Variants in MTHFD1 observed in about 807,000 individuals in gnomAD.
The protein encoded by MTHFD1 is C-1-tetrahydrofolate synthase, cytoplasmic.
In MTHFD1, 44 loss-of-function variants were observed where a neutral mutation model predicts 110.3. That is an observed-to-expected ratio of 0.40 (90% confidence interval 0.31 to 0.51). The LOEUF (loss-of-function observed/expected upper bound fraction) is 0.51, where lower values mean the gene tolerates loss of function less well. Among genes scored for constraint, MTHFD1 ranks in the 20% least tolerant of loss-of-function variants. The pLI is 0.60. For missense variants in MTHFD1, 909 were observed against 1,173.1 expected (o/e 0.77, Z 3.29); for synonymous variants, 402 against 428.8 (o/e 0.94, Z 0.77).
At chr14:64,395,073 G>A (rs1483034987) in intron 1 of MTHFD1, among the ~76,000 whole-genome samples, 1 of 152,170 alleles carries the variant, frequency 6.6e-6, no homozygotes, top group East Asian at 1.9e-4. Context: ...CAGACCCACT[G>A]GCATCAACTC....
intron 7 of MTHFD1, chr14:64,419,130 T>C (rs2078050079): frequency 6.4e-6 from 1 of 156,842 alleles, no homozygotes; most frequent in East Asian, 1.9e-4. Context: ...AGTGCTGAGA[T>C]TACAGGCGTG....
At chr14:64,395,911 A>G (rs535214731) in intron 1 of MTHFD1, among the ~76,000 whole-genome samples, 1 of 152,328 alleles carries the variant, frequency 6.6e-6, no homozygotes, top group African/African-American at 2.4e-5. Flanking sequence ...TAAGAATTAT[A>G]GGATTCATTA....
chr14:64,444,719 G>A lies in MTHFD1; in HGVS notation c.2163G>A (p.Lys721=). The change falls in exon 22 of 28, where the codon AAG becomes AAA. Residue 721 remains lysine, a synonymous_variant. Transcript: ENST00000652337. ...TCACTGCTGGACTGCCTCTTCCCAA[G>A]GCTTACATACAGGAGGTAACCTGAG... is the stretch of plus-strand genomic sequence containing the variant. ...PTVTAGLPLP[K]AYIQENLELV... is the part of the protein sequence containing the mutation. The A allele has an allele frequency of 6.2e-7, 1 of 1,614,006 alleles. No individual in the cohort carries two copies. Among genetic ancestry groups the A allele is most frequent in the African/African-American group, 1.3e-5 (1 of 74,980 alleles).
intron 12 of MTHFD1, among the ~76,000 whole-genome samples, chr14:64,428,250 G>A (rs1227770088): frequency 6.6e-6 from 1 of 151,588 alleles, no homozygotes; most frequent in East Asian, 1.9e-4. Context: ...CGAGTAGCTG[G>A]GATTACAGGC....
intron 26 of MTHFD1, chr14:64,457,927 C>T: frequency 1.9e-6 from 1 of 531,896 alleles, no homozygotes; most frequent in Non-Finnish European, 3.4e-6. Context: ...TAGACATGGC[C>T]TTGCTCTGTC....
chr14:64,406,595 C>G (rs773996288), intron 2 of MTHFD1, among the ~76,000 whole-genome samples: 3 of 149,276 alleles, frequency 2.0e-5, no homozygotes, highest in Non-Finnish European at 4.4e-5. Context: ...CAGGCTCAAG[C>G]TATCCTCCCA....
At chr14:64,397,138 AATATAT>A (rs1182197415) in intron 1 of MTHFD1, among the ~76,000 whole-genome samples, 70 of 11,930 alleles carry the variant, frequency 5.9e-3, no homozygotes, top group East Asian at 0.018. Flanking sequence ...AAAAAAAAAA[AATATAT>A]ATATATATAT....
chr14:64,453,983 T>C (rs1052628268), intron 25 of MTHFD1, 122 bp downstream of exon 25: 2 of 710,912 alleles, frequency 2.8e-6, no homozygotes, highest in Non-Finnish European at 5.2e-6. Flanking sequence ...GGCAGCCTTC[T>C]CTCCTCTGAA....
intron 2 of MTHFD1, among the ~76,000 whole-genome samples, chr14:64,401,269 C>T (rs2077894390): frequency 6.6e-6 from 1 of 152,168 alleles, no homozygotes; most frequent in Admixed American, 6.5e-5. Flanking sequence ...TTCAAGCAGT[C>T]CTCCTGCCTC....
At chr14:64,459,589 A>C (rs528962753) in intron 27 of MTHFD1, among the ~76,000 whole-genome samples, 170 bp from the exon 28 acceptor site, 2 of 152,354 alleles carry the variant, frequency 1.3e-5, no homozygotes, top group Non-Finnish European at 1.5e-5. Context: ...AATACCATGC[A>C]TCATTTTCAA....
At position 64,460,004 on chromosome 14, in the gene MTHFD1, C is replaced by A; in HGVS notation, c.*250C>A. The A allele has an allele frequency of 7.5e-7, 1 of 1,326,638 alleles. No homozygotes were observed. Among genetic ancestry groups the A allele is most frequent in the Non-Finnish European group, 1.0e-6 (1 of 971,408 alleles). The allele number at this position is 1,326,638 out of a possible 1,614,324, so 82.2% of individuals were successfully genotyped here. On this transcript the variant is annotated 3_prime_UTR_variant, in exon 28 of 28. Transcript: ENST00000652337. ...ACAGAATAAAAGGAAACAAGTTTGC[C>A]ATCTTGGTGTTGCAATATGAATTAC...
intron 2 of MTHFD1, among the ~76,000 whole-genome samples, chr14:64,401,799 T>C (rs1359513833): frequency 6.6e-6 from 1 of 152,166 alleles, no homozygotes; most frequent in African/African-American, 2.4e-5. Flanking sequence ...ATAAATAACA[T>C]TTTATGGAAC....
At chr14:64,457,968 G>A (rs1318606057) in intron 26 of MTHFD1, 3 of 578,278 alleles carry the variant, frequency 5.2e-6, no homozygotes, top group African/African-American at 1.9e-5. Context: ...ATGGCTCACT[G>A]TGGCCTCAAC....
chr14:64,400,691 T>C, intron 1 of MTHFD1, 102 bp from the exon 2 acceptor site: 1 of 821,448 alleles, frequency 1.2e-6, no homozygotes, highest in South Asian at 1.4e-5. Flanking sequence ...CCTGTGTTAA[T>C]AAACAAACAA....
intron 21 of MTHFD1, among the ~76,000 whole-genome samples, chr14:64,444,391 C>A (rs573246377): frequency 1.3e-5 from 2 of 151,992 alleles, no homozygotes; most frequent in African/African-American, 4.8e-5. Context: ...ACTGCTATGG[C>A]CTTCACTCGA....
chr14:64,411,016 C>A lies in MTHFD1; in HGVS notation c.127-74C>A. On this transcript the variant is annotated intron_variant, in intron 2 of 27. Transcript: ENST00000652337. ...TGATTAAACATTTCTTTTATTAAAACTAAAATTGTAGAAGCTTTTCTGTGC... is the reference window on the plus strand; with the variant it reads ...TGATTAAACATTTCTTTTATTAAAAATAAAATTGTAGAAGCTTTTCTGTGC... 2.8e-6 allele frequency: 3 copies of A among 1,072,588 alleles called. No homozygotes were observed. The South Asian group carries it at 3.7e-5, about 13-fold the overall frequency. The allele number at this position is 1,072,588 out of a possible 1,614,324, so 66.4% of individuals were successfully genotyped here.
chr14:64,448,424 T>C lies in MTHFD1; in HGVS notation c.2279+107T>C, dbSNP rs78094217. On this transcript the variant is annotated intron_variant, in intron 23 of 27. Transcript: ENST00000652337. ...TTGTTTTTCAGTTACTGCTATTGGT[T>C]ATAGCCTGTGGTTTTAGCCTGCACT... The C allele has an allele frequency of 2.0e-3, 1,848 of 904,236 alleles. 7 individuals are homozygous for C. Among genetic ancestry groups the C allele is most frequent in the Non-Finnish European group, 2.9e-3 (1,595 of 555,022 alleles). The allele number at this position is 904,236 out of a possible 1,614,324, so 56.0% of individuals were successfully genotyped here. A position where few individuals can be genotyped will look rare whatever the true frequency, so the allele number is the denominator to read the frequency against.
chr14:64,435,696 G>A (rs368244102), intron 16 of MTHFD1, 25 bp downstream of exon 16: 15 of 1,435,640 alleles, frequency 1.0e-5, no homozygotes, highest in African/African-American at 7.0e-5. Flanking sequence ...TACAAGCCCC[G>A]TTTGTTTTGG....
chr14:64,420,853 C>T (rs1196388977), intron 8 of MTHFD1, among the ~76,000 whole-genome samples: 2 of 152,210 alleles, frequency 1.3e-5, no homozygotes, highest in Non-Finnish European at 2.9e-5. Context: ...CTTCCCTGCG[C>T]ATGCCTCGTT....
Sources: gnomAD v4.1 joint callset for allele counts (sites outside exome capture counted in the v4.1 genomes callset) on GRCh38, gnomAD v4.1.1 for gene constraint, MANE v1.5 for transcripts, NCBI Gene and HGNC (gene_info 2026-07-23, HGNC 2026-07-21) for gene names.